Variants in LRP2 observed in about 807,000 individuals in gnomAD.
LRP2 encodes the protein low-density lipoprotein receptor-related protein 2.
LRP2 carries 172 observed loss-of-function variants against 531.0 expected under a neutral mutation model. That is an observed-to-expected ratio of 0.32 (90% CI 0.29 to 0.37). LRP2 has a LOEUF of 0.37. Ranked by LOEUF, LRP2 falls within the 10% of genes least tolerant of loss-of-function variation. The pLI is 1.00. For missense variants in LRP2, 5,167 were observed against 5,868.3 expected (o/e 0.88, Z 3.90); for synonymous variants, 1,992 against 2,027.6 (o/e 0.98, Z 0.47).
intron 1 of LRP2, among the ~76,000 whole-genome samples, chr2:169,323,020 A>G (rs1295413380): frequency 6.6e-6 from 1 of 152,184 alleles, no homozygotes; most frequent in East Asian, 1.9e-4. Flanking sequence ...ATACCAAGTT[A>G]AACACATCAT....
rs1169494236 is a variant in LRP2 at position 169,357,919 on chromosome 2, A to G, written c.79+4402T>C. ...GCAGCCTGCACTACAAAACCCAAAG[A>G]TCTTCAGGAATGCGCTTTGATGGCT... On this transcript the variant is annotated intron_variant, in intron 1 of 78. Transcript: ENST00000649046. 4.6e-5 allele frequency among the ~76,000 whole-genome samples: 7 copies of G among 152,102 alleles called. No homozygotes were observed. In the East Asian group the frequency reaches 1.4e-3, roughly 29 times the overall value.
chr2:169,199,060 T>C, intron 44 of LRP2, 149 bp from the exon 45 acceptor site: 1 of 728,696 alleles, frequency 1.4e-6, no homozygotes, highest in Non-Finnish European at 2.3e-6. Flanking sequence ...TCCATGATAC[T>C]TATGTTACCT....
Position 169,198,865 on chromosome 2 carries a change from A to T in LRP2, c.8499T>A (p.Asn2833Lys). The T allele has an allele frequency of 6.2e-7, 1 of 1,613,948 alleles. No individual in the cohort carries two copies. The highest frequency in any genetic ancestry group is 8.5e-7 in the Non-Finnish European group (1 of 1,179,862). The change falls in exon 45 of 79, where the codon AAT becomes AAA. Residue 2833 changes from asparagine (N) to lysine (K), a missense_variant. Physicochemically the swap from Asn to Lys is moderately conservative, Grantham distance 94. Coordinates refer to ENST00000649046, the MANE Select transcript of LRP2 (RefSeq NM_004525.3). ...QSGYTKCHNS[N>K]ICIPRVYLCD... ...ACAAATAAACGCGAGGAATACAAATATTTGAATTATGACATTTTGTGTATC... is the reference window on the plus strand; with the variant it reads ...ACAAATAAACGCGAGGAATACAAATTTTTGAATTATGACATTTTGTGTATC...
rs60891675 is a variant in LRP2 at position 169,157,957 on chromosome 2, T to TAAAAAAAAA, written c.11888-456_11888-455insTTTTTTTTT. 2.1e-5 allele frequency among the ~76,000 whole-genome samples: 3 copies of TAAAAAAAAA among 145,974 alleles called. No homozygotes were observed. The East Asian group carries it at 6.3e-4, about 31-fold the overall frequency. On this transcript the variant is annotated intron_variant, in intron 63 of 78. Coordinates refer to ENST00000649046, the MANE Select transcript of LRP2 (RefSeq NM_004525.3). ...ATAAATAAATAAATAAATAAATAAATAAAAGACATGGATACAGATAGGTTA... is the reference window on the plus strand; with the variant it reads ...ATAAATAAATAAATAAATAAATAAATAAAAAAAAAAAAAGACATGGATACAGATAGGTTA...
rs771434897 is a variant in LRP2, at chr2:169,173,186, T to C, written c.11053A>G (p.Ser3685Gly). 1 of 1,614,046 alleles carries C rather than the reference T, an allele frequency of 6.2e-7. No homozygotes were observed. Among genetic ancestry groups the C allele is most frequent in the African/African-American group, 1.3e-5 (1 of 74,906 alleles). Reference protein sequence around the residue: ...AHLCDNFTEFSCKTNYRCIPK... With the variant: ...AHLCDNFTEFGCKTNYRCIPK... ...ATGCAGCGGTAATTTGTTTTGCAGC[T>C]GAATTCTGTGAAGTTGTCACAGAGA... The change falls in exon 57 of 79, where the codon AGC becomes GGC. Residue 3685 changes from serine to glycine, a missense_variant. Physicochemically the swap from Ser to Gly is moderately conservative, Grantham distance 56. Around this residue, in one of 6 missense-constraint regions of LRP2, gnomAD observed 311 missense variants for 309.4 expected, o/e 1.01. Coordinates refer to ENST00000649046, the MANE Select transcript of LRP2 (RefSeq NM_004525.3).
At chr2:169,259,601 C>A (rs184353757) in intron 16 of LRP2, among the ~76,000 whole-genome samples, 168 of 152,116 alleles carry the variant, frequency 1.1e-3, no homozygotes, top group African/African-American at 3.9e-3. Flanking sequence ...GCTGACACCA[C>A]CAGGTACGAC....
intron 19 of LRP2, 23 bp downstream of exon 19, chr2:169,256,083 A>G: frequency 6.2e-7 from 1 of 1,610,714 alleles, no homozygotes; most frequent in Non-Finnish European, 8.5e-7. Flanking sequence ...AACAATACAT[A>G]CTTTTATTGC....
At chr2:169,181,709 T>TCTGCATTCTGTAGAGCAGA (rs1457523140) in intron 51 of LRP2, 91 bp from the exon 52 acceptor site, 2 of 973,456 alleles carry the variant, frequency 2.1e-6, no homozygotes, top group Admixed American at 2.0e-5. Context: ...AGAAATGGAG[T>TCTGCATTCTGTAGAGCAGA]CTGCATTCTG....
At chr2:169,350,474 T>C (rs1464759947) in intron 1 of LRP2, among the ~76,000 whole-genome samples, 1 of 152,064 alleles carries the variant, frequency 6.6e-6, no homozygotes, top group Non-Finnish European at 1.5e-5. Context: ...GGTTCATGCC[T>C]GTAATTTGAG....
intron 37 of LRP2, among the ~76,000 whole-genome samples, chr2:169,211,385 T>C (rs1416568758): frequency 6.6e-6 from 1 of 152,190 alleles, no homozygotes. Flanking sequence ...GTTTCATACA[T>C]TCACAGTATG....
intron 4 of LRP2, among the ~76,000 whole-genome samples, chr2:169,302,193 C>T (rs1684301786): frequency 1.3e-5 from 2 of 152,054 alleles, no homozygotes; most frequent in South Asian, 4.1e-4. Context: ...CACATGAAAA[C>T]ATTCTAATTT....
At chr2:169,221,952 A>G (rs1240920327) in intron 33 of LRP2, among the ~76,000 whole-genome samples, 5 of 152,158 alleles carry the variant, frequency 3.3e-5, no homozygotes, top group African/African-American at 1.2e-4. Context: ...AAATTCAGCT[A>G]TAAAATTTCT....
At position 169,209,658 on chromosome 2, in the gene LRP2, G is replaced by A. The variant is rs1331743842; in HGVS notation, c.6281-17C>T. On this transcript the variant is annotated splice_polypyrimidine_tract_variant and intron_variant, in intron 37 of 78. Coordinates refer to ENST00000649046, the MANE Select transcript of LRP2 (RefSeq NM_004525.3). ...CGTTTCGTCCTGGAAGTTAAGAAAA[G>A]ATCATTAAAAAATGCTGTCACTGAA... The A allele has an allele frequency of 6.2e-7, 1 of 1,612,626 alleles. No individual in the cohort carries two copies. The highest frequency in any genetic ancestry group is 8.5e-7 in the Non-Finnish European group (1 of 1,179,092).
chr2:169,292,399 GAC>G (rs777337208), intron 6 of LRP2, 30 bp from the exon 7 acceptor site: 3 of 1,391,954 alleles, frequency 2.2e-6, no homozygotes, highest in African/African-American at 2.8e-5. Context: ...GCACTCCAAA[GAC>G]ACAAATCACC....
intron 56 of LRP2, 34 bp downstream of exon 56, chr2:169,173,885 C>A (rs1171828482): frequency 6.2e-7 from 1 of 1,613,474 alleles, no homozygotes; most frequent in Admixed American, 1.7e-5. Flanking sequence ...TCTCCCTGCT[C>A]TGGTCATGCC....
At chr2:169,128,938 G>A in intron 78 of LRP2, 75 bp downstream of exon 78, 1 of 1,531,754 alleles carries the variant, frequency 6.5e-7, no homozygotes, top group Non-Finnish European at 9.0e-7. Context: ...AATAATCTAA[G>A]TGTGTGTCCA....
At chr2:169,355,751 G>T (rs1189999510) in intron 1 of LRP2, among the ~76,000 whole-genome samples, 2 of 152,172 alleles carry the variant, frequency 1.3e-5, no homozygotes, top group East Asian at 3.8e-4. Flanking sequence ...ACGGAAAAAA[G>T]ACAAGATTGG....
At chr2:169,183,893 C>T (rs1199118716) in intron 50 of LRP2, among the ~76,000 whole-genome samples, 1 of 152,114 alleles carries the variant, frequency 6.6e-6, no homozygotes, top group African/African-American at 2.4e-5. Context: ...TATCTTAGAA[C>T]TGCCCCCTAC....
chr2:169,128,197 T>C lies in LRP2; in HGVS notation c.*466A>G, dbSNP rs536705693. On this transcript the variant is annotated 3_prime_UTR_variant, in exon 79 of 79. Coordinates refer to ENST00000649046, the MANE Select transcript of LRP2 (RefSeq NM_004525.3). The stretch of plus-strand genomic sequence containing the variant: ...ATATTGAACATTAATTAAGTGCTAA[T>C]GTGTAAAAATGGACCCAAGAGCGGG... 20 of 178,934 alleles carry C rather than the reference T, an allele frequency of 1.1e-4. No homozygotes were observed. The highest frequency in any genetic ancestry group is 2.4e-4 in the Non-Finnish European group (20 of 84,648). The allele number at this position is 178,934 out of a possible 1,614,324, so 11.1% of individuals were successfully genotyped here.
Sources: gnomAD v4.1 joint callset for allele counts (sites outside exome capture counted in the v4.1 genomes callset) on GRCh38, gnomAD v4.1.1 for gene constraint, gnomAD v4.1.1 regional missense constraint, MANE v1.5 for transcripts, NCBI Gene and HGNC (gene_info 2026-07-23, HGNC 2026-07-21) for gene names.